The following PAPPA2 variants were observed in gnomAD, a reference collection of about 807,000 sequenced individuals.
PAPPA2 encodes pappalysin 2.
Under a neutral mutation model 176.4 loss-of-function variants are expected in PAPPA2, and 86 were observed. That is an observed-to-expected ratio of 0.49 (90% confidence interval 0.41 to 0.58). The LOEUF (loss-of-function observed/expected upper bound fraction) is 0.58, where lower values mean the gene tolerates loss of function less well. Among genes scored for constraint, PAPPA2 ranks in the 20% least tolerant of loss-of-function variants. PAPPA2 has a pLI of 0.00. For missense variants in PAPPA2, 2,073 were observed against 2,256.9 expected (o/e 0.92, Z 1.65); for synonymous variants, 809 against 852.2 (o/e 0.95, Z 0.88).
chr1:176,656,886 C>G (rs1658067269), intron 3 of PAPPA2, among the ~76,000 whole-genome samples: 1 of 151,570 alleles, frequency 6.6e-6, no homozygotes, highest in Non-Finnish European at 1.5e-5. Flanking sequence ...AGAAAGTAAA[C>G]TGGTCTTATA....
At chr1:176,580,855 A>T (rs1189173696) in intron 2 of PAPPA2, among the ~76,000 whole-genome samples, 3 of 151,858 alleles carry the variant, frequency 2.0e-5, no homozygotes, top group African/African-American at 7.3e-5. Flanking sequence ...AAATGTTTGC[A>T]TTTTTTGCAT....
At chr1:176,721,130 A>G (rs529704321) in intron 12 of PAPPA2, among the ~76,000 whole-genome samples, 1 of 152,336 alleles carries the variant, frequency 6.6e-6, no homozygotes, top group Admixed American at 6.5e-5. Flanking sequence ...CCATCAAGGC[A>G]TCCCTCAACC....
chr1:176,593,123 A>G (rs1427822967), intron 2 of PAPPA2, among the ~76,000 whole-genome samples: 4 of 152,214 alleles, frequency 2.6e-5, no homozygotes, highest in Non-Finnish European at 5.9e-5. Flanking sequence ...TATTTTTGCT[A>G]AAAAGTACTT....
intron 21 of PAPPA2, among the ~76,000 whole-genome samples, chr1:176,837,645 G>C (rs1440774258): frequency 6.6e-6 from 1 of 152,160 alleles, no homozygotes; most frequent in Non-Finnish European, 1.5e-5. Flanking sequence ...AATAAGCAAG[G>C]TATACATATG....
intron 1 of PAPPA2, among the ~76,000 whole-genome samples, chr1:176,517,614 A>C (rs1279876332): frequency 6.6e-6 from 1 of 152,184 alleles, no homozygotes; most frequent in Non-Finnish European, 1.5e-5. Flanking sequence ...GGACTGATGC[A>C]ATTAAAAACA....
At chr1:176,679,270 A>C (rs1659462053) in intron 4 of PAPPA2, among the ~76,000 whole-genome samples, 1 of 152,110 alleles carries the variant, frequency 6.6e-6, no homozygotes, top group Non-Finnish European at 1.5e-5. Flanking sequence ...GTGTGATGCC[A>C]TCAACCTACA....
At chr1:176,546,160 G>A (rs1476643632) in intron 1 of PAPPA2, among the ~76,000 whole-genome samples, 1 of 152,122 alleles carries the variant, frequency 6.6e-6, no homozygotes, top group South Asian at 2.1e-4. Flanking sequence ...GCTCTCCTTT[G>A]TCTAGGGCTG....
At chr1:176,472,049 A>G (rs1651902976) in intron 1 of PAPPA2, among the ~76,000 whole-genome samples, 1 of 152,234 alleles carries the variant, frequency 6.6e-6, no homozygotes, top group Non-Finnish European at 1.5e-5. Context: ...GCCTAGATCC[A>G]TTAATTTATT....
intron 1 of PAPPA2, among the ~76,000 whole-genome samples, chr1:176,542,256 A>C (rs1650403018): frequency 6.6e-6 from 1 of 152,190 alleles, no homozygotes; most frequent in Admixed American, 6.5e-5. Context: ...ATTGAGTGAC[A>C]GTTTTAGACA....
intron 15 of PAPPA2, among the ~76,000 whole-genome samples, chr1:176,767,497 G>GCA (rs1664032872): frequency 6.6e-6 from 1 of 152,170 alleles, no homozygotes; most frequent in Non-Finnish European, 1.5e-5. Flanking sequence ...ACAGGTGCAT[G>GCA]CCACCACACC....
At chr1:176,608,455 C>T (rs1008714172) in intron 3 of PAPPA2, among the ~76,000 whole-genome samples, 1 of 152,150 alleles carries the variant, frequency 6.6e-6, no homozygotes, top group South Asian at 2.1e-4. Context: ...ACCATACCAT[C>T]TTATGAATTT....
At chr1:176,468,229 C>G (rs1042364463) in intron 1 of PAPPA2, among the ~76,000 whole-genome samples, 1 of 152,150 alleles carries the variant, frequency 6.6e-6, no homozygotes, top group Non-Finnish European at 1.5e-5. Context: ...CTCTGACATT[C>G]CTCCCTCAAA....
intron 17 of PAPPA2, among the ~76,000 whole-genome samples, chr1:176,782,509 G>T (rs1664762778): frequency 1.3e-5 from 2 of 152,080 alleles, no homozygotes; most frequent in African/African-American, 4.8e-5. Flanking sequence ...TAGATAGGAA[G>T]AAAGAAAAGG....
intron 12 of PAPPA2, among the ~76,000 whole-genome samples, chr1:176,729,823 C>CT (rs1172648142): frequency 6.6e-6 from 1 of 151,984 alleles, no homozygotes; most frequent in Admixed American, 6.6e-5. Flanking sequence ...TAGAACAAGC[C>CT]TTAAGTCATT....
At chr1:176,675,064 T>C (rs1343372418) in intron 4 of PAPPA2, among the ~76,000 whole-genome samples, 1 of 152,110 alleles carries the variant, frequency 6.6e-6, no homozygotes, top group Non-Finnish European at 1.5e-5. Flanking sequence ...TTTGGGTTCT[T>C]GGTCATGAAC....
At chr1:176,506,444 G>T (rs770128533) in intron 1 of PAPPA2, among the ~76,000 whole-genome samples, 1 of 152,066 alleles carries the variant, frequency 6.6e-6, no homozygotes, top group Non-Finnish European at 1.5e-5. Context: ...GCTATGGGCA[G>T]TATGGCCATT....
chr1:176,742,427 A>G (rs1381861667), intron 14 of PAPPA2, among the ~76,000 whole-genome samples: 1 of 152,134 alleles, frequency 6.6e-6, no homozygotes, highest in Non-Finnish European at 1.5e-5. Flanking sequence ...CTAGTTCTTC[A>G]CTTCTTCTCA....
chr1:176,603,663 G>A (rs542784115), intron 3 of PAPPA2, among the ~76,000 whole-genome samples: 3 of 152,060 alleles, frequency 2.0e-5, no homozygotes, highest in Non-Finnish European at 4.4e-5. Flanking sequence ...CCTCCTTCTT[G>A]GAAGCATTCT....
chr1:176,697,367 G>A (rs1005970072), intron 7 of PAPPA2, among the ~76,000 whole-genome samples: 1 of 152,038 alleles, frequency 6.6e-6, no homozygotes, highest in African/African-American at 2.4e-5. Flanking sequence ...AGAAGTTTTT[G>A]GGACTGTTAA....
Sources: gnomAD v4.1 joint callset for allele counts (sites outside exome capture counted in the v4.1 genomes callset) on GRCh38, gnomAD v4.1.1 for gene constraint, MANE v1.5 for transcripts, NCBI Gene and HGNC (gene_info 2026-07-23, HGNC 2026-07-21) for gene names.